The following GPC5 variants were observed in gnomAD, a reference collection of about 807,000 sequenced individuals.
The protein encoded by GPC5 is glypican 5.
A neutral mutation model predicts 53.9 loss-of-function variants in GPC5; 47 were observed. That is an observed-to-expected ratio of 0.87 (90% confidence interval 0.69 to 1.11). The LOEUF is 1.11. Among genes scored for constraint, GPC5 ranks in the 50% most tolerant of loss-of-function variants. GPC5 has a pLI of 0.00. For missense variants in GPC5, 748 were observed against 713.1 expected (o/e 1.05, Z -0.56); for synonymous variants, 286 against 263.3 (o/e 1.09, Z -0.84).
chr13:91,503,735 A>G (rs959068548), intron 2 of GPC5, among the ~76,000 whole-genome samples: 3 of 150,240 alleles, frequency 2.0e-5, no homozygotes, highest in African/African-American at 7.3e-5. Context: ...AGCCAAGATC[A>G]TACCATTGCA....
intron 7 of GPC5, among the ~76,000 whole-genome samples, chr13:92,329,813 T>G (rs2139234121): frequency 6.6e-6 from 1 of 152,270 alleles, no homozygotes; most frequent in Non-Finnish European, 1.5e-5. Context: ...GCCACGGTTT[T>G]CTGGCTTACC....
chr13:92,134,047 G>C (rs1202066386), intron 6 of GPC5, among the ~76,000 whole-genome samples: 1 of 152,138 alleles, frequency 6.6e-6, no homozygotes, highest in East Asian at 1.9e-4. Context: ...ACTCTTGGTA[G>C]TATGGGTTGG....
intron 2 of GPC5, among the ~76,000 whole-genome samples, chr13:91,537,185 A>G (rs1047085926): frequency 7.9e-5 from 12 of 152,174 alleles, no homozygotes; most frequent in Non-Finnish European, 7.3e-5. Flanking sequence ...AAAAGACGTA[A>G]TAAATGATTT....
intron 6 of GPC5, among the ~76,000 whole-genome samples, chr13:92,131,673 G>A (rs988602277): frequency 3.9e-5 from 6 of 152,006 alleles, no homozygotes; most frequent in African/African-American, 1.4e-4. Context: ...GGTCAGTATA[G>A]GAGTTACCTT....
At chr13:91,820,969 A>AT (rs1437114912) in intron 5 of GPC5, among the ~76,000 whole-genome samples, 5 of 149,558 alleles carry the variant, frequency 3.3e-5, no homozygotes, top group African/African-American at 1.2e-4. Flanking sequence ...TCTCAAAAAA[A>AT]AAATAAACAA....
intron 2 of GPC5, among the ~76,000 whole-genome samples, chr13:91,487,464 G>C (rs949184181): frequency 6.6e-6 from 1 of 152,122 alleles, no homozygotes; most frequent in African/African-American, 2.4e-5. Flanking sequence ...AATGACATTT[G>C]GGGGAGGGGA....
chr13:91,680,921 C>A (rs966276811), intron 2 of GPC5, among the ~76,000 whole-genome samples: 2 of 151,866 alleles, frequency 1.3e-5, no homozygotes, highest in African/African-American at 4.8e-5. Context: ...CTGTTTTTTA[C>A]AAAACCAGTA....
chr13:91,795,276 T>A (rs570698424), intron 5 of GPC5, among the ~76,000 whole-genome samples: 15 of 152,178 alleles, frequency 9.9e-5, no homozygotes, highest in Non-Finnish European at 2.1e-4. Context: ...TGGTTCATAG[T>A]TTTTATTTTT....
chr13:92,421,058 T>C (rs546267737), intron 7 of GPC5, among the ~76,000 whole-genome samples: 17 of 152,328 alleles, frequency 1.1e-4, no homozygotes, highest in African/African-American at 4.1e-4. Context: ...CATGGCTTGA[T>C]AGTTTTCCCC....
At chr13:92,839,893 G>A (rs1330621881) in intron 7 of GPC5, among the ~76,000 whole-genome samples, 1 of 151,226 alleles carries the variant, frequency 6.6e-6, no homozygotes, top group Non-Finnish European at 1.5e-5. Flanking sequence ...TCCTCTTCAC[G>A]TTCGTGGGAA....
intron 7 of GPC5, among the ~76,000 whole-genome samples, chr13:92,161,521 ATAAG>A (rs1306028698): frequency 6.6e-6 from 1 of 152,210 alleles, no homozygotes; most frequent in African/African-American, 2.4e-5. Context: ...AACAAAAATA[ATAAG>A]TATGTGTATA....
At chr13:92,707,445 T>A (rs868841375) in intron 7 of GPC5, among the ~76,000 whole-genome samples, 1 of 152,056 alleles carries the variant, frequency 6.6e-6, no homozygotes, top group African/African-American at 2.4e-5. Flanking sequence ...CTTGTTGTTT[T>A]GTTTCCAACG....
At chr13:91,547,081 G>A (rs966892404) in intron 2 of GPC5, among the ~76,000 whole-genome samples, 2 of 152,046 alleles carry the variant, frequency 1.3e-5, no homozygotes, top group African/African-American at 4.8e-5. Flanking sequence ...GGTGAACACT[G>A]GTTTCTTCTT....
intron 2 of GPC5, among the ~76,000 whole-genome samples, chr13:91,502,041 CTTCT>C (rs1205363673): frequency 6.6e-6 from 1 of 152,180 alleles, no homozygotes; most frequent in Non-Finnish European, 1.5e-5. Context: ...GCATAAATGT[CTTCT>C]TTGAGAAGTG....
intron 7 of GPC5, among the ~76,000 whole-genome samples, chr13:92,685,390 C>T (rs1271886658): frequency 6.6e-6 from 1 of 151,998 alleles, no homozygotes; most frequent in Non-Finnish European, 1.5e-5. Context: ...CCACTGTAGC[C>T]AGCCAGATCT....
intron 7 of GPC5, among the ~76,000 whole-genome samples, chr13:92,368,372 G>C (rs1197806026): frequency 1.3e-5 from 2 of 151,500 alleles, no homozygotes; most frequent in Admixed American, 6.6e-5. Flanking sequence ...GGCTGGGCGT[G>C]GTTGCTCACA....
At chr13:91,721,960 T>A (rs2036483489) in intron 3 of GPC5, among the ~76,000 whole-genome samples, 1 of 152,222 alleles carries the variant, frequency 6.6e-6, no homozygotes, top group Non-Finnish European at 1.5e-5. Flanking sequence ...GTTTTCTCAC[T>A]GGAATATAAG....
At chr13:91,529,308 AAC>A (rs1363368839) in intron 2 of GPC5, among the ~76,000 whole-genome samples, 1 of 152,214 alleles carries the variant, frequency 6.6e-6, no homozygotes, top group Non-Finnish European at 1.5e-5. Context: ...CTTAAAAAGT[AAC>A]ACAAATATAT....
At chr13:91,572,269 A>C (rs925551718) in intron 2 of GPC5, among the ~76,000 whole-genome samples, 2 of 149,702 alleles carry the variant, frequency 1.3e-5, no homozygotes, top group Admixed American at 6.6e-5. Flanking sequence ...ATGTATATAC[A>C]TGTGTATATA....
Sources: allele counts gnomAD v4.1 joint callset (sites outside exome capture counted in the v4.1 genomes callset), GRCh38; gene constraint gnomAD v4.1.1; transcripts MANE v1.5; gene names NCBI Gene and HGNC (gene_info 2026-07-23, HGNC 2026-07-21).